Variants in GPI observed in about 807,000 individuals in gnomAD.
GPI encodes D-hexose-6-phosphate anomerase.
GPI carries 56 observed loss-of-function variants against 75.8 expected under a neutral mutation model. The ratio of observed to expected loss-of-function variants is 0.74; its 90% CI spans 0.60 to 0.92. The LOEUF (loss-of-function observed/expected upper bound fraction) is 0.92. GPI is among the 40% of genes least tolerant of loss of function. GPI has a pLI of 0.00. For missense variants in GPI, 638 were observed against 741.0 expected, an observed-to-expected ratio of 0.86 and a Z score of 1.61; for synonymous variants, 288 against 285.4, an observed-to-expected ratio of 1.01 and a Z score of -0.09.
At chr19:34,383,116 A>C (rs185742927) in intron 9 of GPI, among the ~76,000 whole-genome samples, 3 of 152,120 alleles carry the variant, frequency 2.0e-5, no homozygotes, top group African/African-American at 7.2e-5. Flanking sequence ...CGCCAGGGCC[A>C]GTTTTGCGGC....
intron 13 of GPI, 54 bp from the exon 14 acceptor site, chr19:34,396,527 A>C: frequency 1.2e-6 from 2 of 1,610,930 alleles, no homozygotes; most frequent in Non-Finnish European, 1.7e-6. Context: ...TCTAGGCCAT[A>C]TGGCTAGCTC....
Position 34,393,673 on chromosome 19 carries a change from T to G in GPI, c.866-55T>G. The G allele has an allele frequency of 6.4e-7, 1 of 1,571,046 alleles. No homozygotes were observed. Among genetic ancestry groups the G allele is most frequent in the South Asian group, 1.1e-5 (1 of 90,218 alleles). On this transcript the variant is annotated intron_variant, in intron 10 of 17. Coordinates refer to ENST00000356487, the MANE Select transcript of GPI (RefSeq NM_000175.5). This position sits in a 1 kb window ranked among gnomAD's most constrained non-coding sequence, Gnocchi z 4.4. ...TCGTTGCAGAAGGAGCTGTGCCCAC[T>G]GCCCACAGGACGCAGGGTGTGGCCA...
chr19:34,365,049 C>A, upstream of GPI: 2 of 1,504,404 alleles, frequency 1.3e-6, no homozygotes, highest in Non-Finnish European at 1.8e-6. Context: ...GGCCCCAGAT[C>A]AGCGGCCGCG....
chr19:34,360,336 T>C (rs2074294659), upstream of GPI, among the ~76,000 whole-genome samples: 1 of 152,174 alleles, frequency 6.6e-6, no homozygotes, highest in African/African-American at 2.4e-5. Flanking sequence ...CGCATACCTG[T>C]AATCCCAACA....
In GPI at chr19:34,368,586, C is replaced by G; in HGVS notation, c.286C>G (p.Arg96Gly). 1 of 1,614,076 alleles carries G rather than the reference C, an allele frequency of 6.2e-7. No homozygotes were observed. The highest frequency in any genetic ancestry group is 8.5e-7 in the Non-Finnish European group (1 of 1,179,986). Residue 96 changes from arginine to glycine, a missense_variant, in exon 4 of 18, where the codon CGA (arginine) becomes GGA (glycine). Physicochemically the swap from Arg to Gly is moderately radical, Grantham distance 125. Transcript: ENST00000356487. ...NGEKINYTEG[R>G]AVLHVALRNR... ...ATATCCTGACCGTAATCCCCAGGGT[C>G]GAGCCGTGCTGCACGTGGCTCTGCG...
At position 34,381,440 on chromosome 19, in the gene GPI, C is replaced by T. The variant is rs775649682; in HGVS notation, c.751-26C>T. The T allele has an allele frequency of 1.6e-5, 24 of 1,528,916 alleles. No homozygotes were observed. The East Asian group carries it at 5.2e-4, about 33-fold the overall frequency. The allele number at this position is 1,528,916 out of a possible 1,614,324, so 94.7% of individuals were successfully genotyped here. A position where few individuals can be genotyped will look rare whatever the true frequency, so the allele number is the denominator to read the frequency against. ...CGCTAGCAAATGCTTCTTTGCATTT[C>T]TCTCCCTTTGTTTTTTTTTTTGTAG... On this transcript the variant is annotated intron_variant, in intron 8 of 17. Transcript: ENST00000356487.
upstream of GPI, among the ~76,000 whole-genome samples, chr19:34,360,852 G>A (rs1037598292): frequency 3.3e-5 from 5 of 150,974 alleles, no homozygotes; most frequent in African/African-American, 1.2e-4. Flanking sequence ...ATCTTGGCTC[G>A]CTGCAACCTC....
chr19:34,392,959 G>T (rs1346900769), intron 9 of GPI: 1 of 476,448 alleles, frequency 2.1e-6, no homozygotes, highest in Non-Finnish European at 3.9e-6. Context: ...CCTGGCACAG[G>T]TATGAGGTCC....
chr19:34,381,201 G>A, intron 8 of GPI: 1 of 553,048 alleles, frequency 1.8e-6, no homozygotes, highest in Non-Finnish European at 3.3e-6. Flanking sequence ...CTCACACGGG[G>A]TTACAGCTGC....
At chr19:34,388,314 A>C (rs546481568) in intron 9 of GPI, among the ~76,000 whole-genome samples, 1 of 152,296 alleles carries the variant, frequency 6.6e-6, no homozygotes, top group Non-Finnish European at 1.5e-5. Flanking sequence ...CCATCTCCTA[A>C]AAATACAAAA....
At chr19:34,365,173 G>T (rs2074336798), upstream of GPI, 2 of 1,267,296 alleles carry the variant, frequency 1.6e-6, no homozygotes, top group Middle Eastern at 2.9e-4. Context: ...CGCCATAAAG[G>T]CCGCCGCGCG....
intron 4 of GPI, among the ~76,000 whole-genome samples, chr19:34,370,395 TC>T (rs1173543385): frequency 6.6e-6 from 1 of 151,984 alleles, no homozygotes; most frequent in Non-Finnish European, 1.5e-5. Context: ...CTGGTCAGAG[TC>T]CAGTTACTTT....
intron 9 of GPI, among the ~76,000 whole-genome samples, chr19:34,384,130 C>T (rs2074697233): frequency 6.6e-6 from 1 of 152,086 alleles, no homozygotes. Context: ...CAAGTGAGGG[C>T]TGAAAATCTG....
At chr19:34,387,981 G>T (rs2074763469) in intron 9 of GPI, among the ~76,000 whole-genome samples, 1 of 152,170 alleles carries the variant, frequency 6.6e-6, no homozygotes, top group African/African-American at 2.4e-5. Flanking sequence ...GTCATTGTAG[G>T]TGTTTGTACC....
chr19:34,381,824 G>A (rs1165377837), intron 9 of GPI, among the ~76,000 whole-genome samples: 1 of 152,212 alleles, frequency 6.6e-6, no homozygotes, highest in African/African-American at 2.4e-5. Context: ...AGTTGAGGTT[G>A]TGAGTTATTC....
At chr19:34,378,197 CTTG>C (rs148324188) in intron 6 of GPI, among the ~76,000 whole-genome samples, 9,791 of 152,048 alleles carry the variant, frequency 0.064, 435 homozygotes, top group Non-Finnish European at 0.1. Flanking sequence ...TGCTCCTTTT[CTTG>C]TTGTTGTTTT....
intron 9 of GPI, among the ~76,000 whole-genome samples, chr19:34,386,272 C>T (rs2074733675): frequency 6.6e-6 from 1 of 150,962 alleles, no homozygotes; most frequent in Non-Finnish European, 1.5e-5. Flanking sequence ...TCTGAGAACC[C>T]AGGTTCAAGC....
chr19:34,391,659 A>C (rs1373540924), intron 9 of GPI, among the ~76,000 whole-genome samples: 1 of 306 alleles, frequency 3.3e-3, no homozygotes, highest in East Asian at 0.05. Context: ...AATTTGGTAC[A>C]TGTATGAGGA....
upstream of GPI, chr19:34,364,726 T>A (rs2074328093): frequency 2.5e-6 from 1 of 402,552 alleles, no homozygotes; most frequent in East Asian, 3.7e-5. Flanking sequence ...ACCCTTTTCA[T>A]CTTGGTTTTC....
Sources: allele counts gnomAD v4.1 joint callset (sites outside exome capture counted in the v4.1 genomes callset), GRCh38; gene constraint gnomAD v4.1.1; non-coding constraint Gnocchi (gnomAD v3.1); transcripts MANE v1.5; gene names NCBI Gene and HGNC (gene_info 2026-07-23, HGNC 2026-07-21).